The following SMG1 variants were observed in gnomAD, a reference collection of about 807,000 sequenced individuals.
The protein encoded by SMG1 is serine/threonine-protein kinase SMG1.
In SMG1, 22 loss-of-function variants were observed where a neutral mutation model predicts 419.9. The ratio of observed to expected loss-of-function variants is 0.05; its 90% CI spans 0.04 to 0.07. SMG1 has a LOEUF of 0.07. SMG1 is among the 10% of genes least tolerant of loss of function. The pLI, the probability that SMG1 is intolerant of heterozygous loss-of-function variation, is 1.00. For missense variants in SMG1, 3,185 were observed against 4,342.0 expected (o/e 0.73, Z 7.49); for synonymous variants, 1,538 against 1,553.5 (o/e 0.99, Z 0.23).
At chr16:18,923,090 T>G (rs1488175612) in intron 1 of SMG1, among the ~76,000 whole-genome samples, 3 of 151,944 alleles carry the variant, frequency 2.0e-5, no homozygotes, top group Admixed American at 1.3e-4. Flanking sequence ...CAAAAAAATT[T>G]ACAGAAGAGT....
At chr16:18,909,121 T>A (rs919224335) in intron 1 of SMG1, among the ~76,000 whole-genome samples, 1 of 151,002 alleles carries the variant, frequency 6.6e-6, no homozygotes, top group South Asian at 2.1e-4. Context: ...GGCAGGTGGA[T>A]CACTTGACAT....
Position 18,853,584 on chromosome 16 carries a change from T to G in SMG1, c.4767A>C (p.Thr1589=), listed in dbSNP as rs745832884. The part of the protein sequence containing the change: ...EEYPRIESES[T]VHIGVGEPDF... ...CTAAAGCTAATAAAGCAACTCTACCTGTAGATTCACTCTCGATCCGAGGAT... is the reference window on the plus strand; with the variant it reads ...CTAAAGCTAATAAAGCAACTCTACCGGTAGATTCACTCTCGATCCGAGGAT... The change falls in exon 31 of 63, where the codon ACA becomes ACC. Residue 1589 remains threonine, a splice_region_variant and synonymous_variant. Coordinates refer to ENST00000446231, the MANE Select transcript of SMG1 (RefSeq NM_015092.5). The G allele has an allele frequency of 6.3e-7, 1 of 1,584,468 alleles. No individual in the cohort carries two copies. The highest frequency in any genetic ancestry group is 8.6e-7 in the Non-Finnish European group (1 of 1,164,228).
intron 33 of SMG1, among the ~76,000 whole-genome samples, chr16:18,851,368 T>G (rs890110248): frequency 5.3e-5 from 8 of 152,162 alleles, no homozygotes; most frequent in African/African-American, 1.9e-4. Flanking sequence ...TGGCTGCACA[T>G]TAGCATCACC....
chr16:18,859,234 C>A (rs1485662392), intron 27 of SMG1, 53 bp from the exon 28 acceptor site: 25 of 1,414,548 alleles, frequency 1.8e-5, no homozygotes, highest in African/African-American at 2.8e-5. Flanking sequence ...CATAACCACT[C>A]AAAGAATAAA....
chr16:18,893,884 C>T (rs1041003479), intron 3 of SMG1, among the ~76,000 whole-genome samples: 1 of 151,868 alleles, frequency 6.6e-6, no homozygotes, highest in African/African-American at 2.4e-5. Flanking sequence ...GGTGGAACTT[C>T]GTCTCTACTG....
In SMG1 at chr16:18,926,055, A is replaced by G. The variant is rs765860168; in HGVS notation, c.-14T>C. 6 of 1,561,194 alleles carry G rather than the reference A, an allele frequency of 3.8e-6. No individual in the cohort carries two copies. In the South Asian group the frequency reaches 6.9e-5, roughly 18 times the overall value. ...TCTGCGGCTCATTACCTTCCCCGAC[A>G]CGACATGGCCAAGCGCCGCCGCCCA... On this transcript the variant is annotated 5_prime_UTR_variant, in exon 1 of 63. Transcript: ENST00000446231.
chr16:18,811,197 T>A (rs940468897), intron 62 of SMG1, among the ~76,000 whole-genome samples: 10 of 152,126 alleles, frequency 6.6e-5, no homozygotes, highest in Admixed American at 2.0e-4. Context: ...GGTGGTGGGA[T>A]GCAAGTCTAC....
At chr16:18,914,386 T>C (rs1306353463) in intron 1 of SMG1, among the ~76,000 whole-genome samples, 2 of 152,088 alleles carry the variant, frequency 1.3e-5, no homozygotes, top group Non-Finnish European at 2.9e-5. Flanking sequence ...TAGAAATCTG[T>C]TGATTCTAGG....
rs748218382 is a variant in SMG1, at chr16:18,869,877, C to T, written c.2610G>A (p.Leu870=). 1.0e-5 allele frequency: 16 copies of T among 1,579,428 alleles called. No homozygotes were observed. The highest frequency in any genetic ancestry group is 2.3e-4 in the Middle Eastern group (1 of 4,408). Residue 870 remains leucine, a synonymous_variant, in exon 19 of 63, where the codon TTG becomes TTA. Coordinates refer to ENST00000446231, the MANE Select transcript of SMG1 (RefSeq NM_015092.5). The stretch of plus-strand genomic sequence containing the variant: ...ACCCTGTTCTATGAGAGTTCCCATA[C>T]AAAATAAAACTAATAACATCAGAGA... ...QDFSDVISFI[L]YGNSHRTGKD...
At chr16:18,820,694 T>A (rs144399962) in intron 55 of SMG1, among the ~76,000 whole-genome samples, 16 of 152,348 alleles carry the variant, frequency 1.1e-4, no homozygotes, top group African/African-American at 3.1e-4. Flanking sequence ...TCTTGTAAGT[T>A]GAAAACACAT....
chr16:18,837,369 T>C lies in SMG1; in HGVS notation c.7488A>G (p.Leu2496=), dbSNP rs1034363031. ...CATCTGTCAGTTGCTCTTGCAAGCT[T>C]AGGTATTCATCTAAGCTACCGTCCA... The part of the protein sequence containing the change: ...PKLDGSLDEY[L]SLQEQLTDVE... Residue 2496 remains leucine (L), a synonymous_variant, in exon 46 of 63, where the codon CTA becomes CTG. Transcript: ENST00000446231. 2 of 1,614,026 alleles carry C rather than the reference T, an allele frequency of 1.2e-6. No individual in the cohort carries two copies. Among genetic ancestry groups the C allele is most frequent in the South Asian group, 1.1e-5 (1 of 91,088 alleles).
At chr16:18,828,307 T>A in intron 54 of SMG1, 139 bp from the exon 55 acceptor site, 1 of 739,868 alleles carries the variant, frequency 1.4e-6, no homozygotes, top group Non-Finnish European at 2.1e-6. Flanking sequence ...CAGGGAGAAG[T>A]AACAGAAAAG....
intron 1 of SMG1, among the ~76,000 whole-genome samples, chr16:18,911,130 AATG>A (rs2037776197): frequency 6.6e-6 from 1 of 152,182 alleles, no homozygotes; most frequent in African/African-American, 2.4e-5. Context: ...ATGGAGAAAA[AATG>A]ATGATGCAGA....
At chr16:18,924,276 C>A (rs2038306409) in intron 1 of SMG1, among the ~76,000 whole-genome samples, 1 of 152,186 alleles carries the variant, frequency 6.6e-6, no homozygotes, top group Non-Finnish European at 1.5e-5. Flanking sequence ...AGCCATTTGG[C>A]TTCATACCTG....
chr16:18,835,269 T>C (rs2033484564), intron 48 of SMG1, 105 bp from the exon 49 acceptor site: 1 of 1,194,482 alleles, frequency 8.4e-7, no homozygotes, highest in East Asian at 2.5e-5. Context: ...TAGAAATCAT[T>C]ATTTACATTT....
intron 1 of SMG1, among the ~76,000 whole-genome samples, chr16:18,904,073 A>G (rs1209302474): frequency 2.0e-5 from 3 of 150,130 alleles, no homozygotes; most frequent in East Asian, 2.0e-4. Flanking sequence ...GAGTAGCTGG[A>G]ACTACAGGCG....
At chr16:18,924,205 T>C (rs2142045989) in intron 1 of SMG1, among the ~76,000 whole-genome samples, 1 of 152,224 alleles carries the variant, frequency 6.6e-6, no homozygotes, top group African/African-American at 2.4e-5. Context: ...ATAAAGCACT[T>C]GAAAGAAACA....
chr16:18,841,727 A>T lies in SMG1; in HGVS notation c.6534T>A (p.Ala2178=). 6.2e-7 allele frequency: 1 copy of T among 1,614,018 alleles called. No homozygotes were observed. Among genetic ancestry groups the T allele is most frequent in the Non-Finnish European group, 8.5e-7 (1 of 1,179,900 alleles). ...QFLSIVNTMF[A]TINRQETPRF... ...GGGGTGTTTCTTGGCGATTAATTGT[A>T]GCAAACATGGTATTCACAATAGATA... The change falls in exon 41 of 63, where the codon GCT becomes GCA. Residue 2178 remains alanine (A), a synonymous_variant. Transcript: ENST00000446231.
At chr16:18,843,743 G>A (rs1378321564) in intron 39 of SMG1, among the ~76,000 whole-genome samples, 8 of 151,988 alleles carry the variant, frequency 5.3e-5, no homozygotes, top group Non-Finnish European at 1.0e-4. Context: ...AAAAACAGGC[G>A]GAAACTAAAC....
Sources: allele counts gnomAD v4.1 joint callset (sites outside exome capture counted in the v4.1 genomes callset), GRCh38; gene constraint gnomAD v4.1.1; transcripts MANE v1.5; gene names NCBI Gene and HGNC (gene_info 2026-07-23, HGNC 2026-07-21).